MMD2: variants seen among roughly 807,000 people sequenced by gnomAD.
MMD2 encodes monocyte to macrophage differentiation associated 2.
A neutral mutation model predicts 33.5 loss-of-function variants in MMD2; 30 were observed. That is an observed-to-expected ratio of 0.90 (90% CI 0.67 to 1.22). The LOEUF is 1.22. Ranked by LOEUF, MMD2 falls within the 50% of genes most tolerant of loss-of-function variation. MMD2 has a pLI of 0.00. For missense variants in MMD2, 364 were observed against 325.4 expected, an observed-to-expected ratio of 1.12 and a Z score of -0.91; for synonymous variants, 129 against 123.0, an observed-to-expected ratio of 1.05 and a Z score of -0.32.
intron 2 of MMD2, among the ~76,000 whole-genome samples, chr7:4,922,466 A>G (rs1446047333): frequency 6.6e-6 from 1 of 152,140 alleles, no homozygotes; most frequent in Non-Finnish European, 1.5e-5. Context: ...GCAAGACTCC[A>G]TTTAAAAAAA....
chr7:4,902,636 TG>T (rs199717972), downstream of MMD2, among the ~76,000 whole-genome samples: 3,592 of 152,314 alleles, frequency 0.024, 52 homozygotes, highest in Non-Finnish European at 0.039. Context: ...ATACCACGCC[TG>T]TGACATTAGC....
At chr7:4,936,957 A>G (rs1011988209) in intron 1 of MMD2, among the ~76,000 whole-genome samples, 2 of 151,298 alleles carry the variant, frequency 1.3e-5, no homozygotes, top group Non-Finnish European at 2.9e-5. Flanking sequence ...GATGGTCTCA[A>G]ACTCCTGACC....
intron 1 of MMD2, among the ~76,000 whole-genome samples, chr7:4,938,597 C>G (rs1785816529): frequency 6.6e-6 from 1 of 152,086 alleles, no homozygotes; most frequent in Non-Finnish European, 1.5e-5. Flanking sequence ...CAACGGGGAT[C>G]AAGTTTCAGA....
chr7:4,946,130 T>C lies in MMD2; in HGVS notation c.47+12841A>G, dbSNP rs370405349. ...ACACGCGCACACGCACGCACACACC[T>C]GCACACGCACGCACACCCACACCCG... On this transcript the variant is annotated intron_variant, in intron 1 of 6. Transcript: ENST00000401401. This position sits in a 1 kb window ranked among gnomAD's most constrained non-coding sequence, Gnocchi z 5.0. Among the ~76,000 whole-genome samples, 24 of 134,416 alleles carry C rather than the reference T, an allele frequency of 1.8e-4. No individual in the cohort carries two copies. In the East Asian group the frequency reaches 2.2e-3, roughly 12 times the overall value. The allele number at this position is 134,416 out of a possible 152,430, so 88.2% of individuals were successfully genotyped here. A position where few individuals can be genotyped will look rare whatever the true frequency, so the allele number is the denominator to read the frequency against.
chr7:4,957,541 C>T (rs1156444950), intron 1 of MMD2, among the ~76,000 whole-genome samples: 5 of 151,704 alleles, frequency 3.3e-5, no homozygotes, highest in Admixed American at 1.3e-4. Context: ...CCCAGCTACT[C>T]GGAAGGCTGA....
At chr7:4,936,202 GA>G (rs1235476308) in intron 1 of MMD2, among the ~76,000 whole-genome samples, 12 of 142,106 alleles carry the variant, frequency 8.4e-5, no homozygotes, top group African/African-American at 1.6e-4. Context: ...AAAAAAAAAG[GA>G]AAAAAAAATG....
chr7:4,942,464 C>T (rs1785937630), intron 1 of MMD2, among the ~76,000 whole-genome samples: 1 of 150,510 alleles, frequency 6.6e-6, no homozygotes. Flanking sequence ...AATGGAGCCT[C>T]ACTATGTTGC....
rs537978247 is a variant in MMD2 at position 4,936,177 on chromosome 7, C to A, written c.48-10645G>T. ...TCCAGTCTGGGTGACGAGAATGAAA[C>A]TCTGTCTCAAAAAAAAAAAAAAAGG... On this transcript the variant is annotated intron_variant, in intron 1 of 6. Coordinates refer to ENST00000401401, the MANE Select transcript of MMD2 (RefSeq NM_198403.4). Among the ~76,000 whole-genome samples the A allele has an allele frequency of 3.1e-3, 441 of 140,652 alleles. 3 individuals are homozygous for A. The highest frequency in any genetic ancestry group is 0.011 in the African/African-American group (409 of 36,668). 92.3% of individuals were successfully genotyped at this position (140,652 alleles called of 152,430 possible).
chr7:4,920,358 G>T (rs564571567), intron 2 of MMD2, 27 bp from the exon 3 acceptor site: 7 of 1,596,318 alleles, frequency 4.4e-6, no homozygotes, highest in Non-Finnish European at 6.0e-6. Context: ...GGCAGGGACA[G>T]GTGCAGCAGC....
At position 4,957,644 on chromosome 7, in the gene MMD2, C is replaced by A. The variant is rs1786423568; in HGVS notation, c.47+1327G>T. ...AGCCTGGGCAACAAGAGCGAGACTC[C>A]ATCTCAGAAAAAAAAAAAAAGTAAG... On this transcript the variant is annotated intron_variant, in intron 1 of 6. Coordinates refer to ENST00000401401, the MANE Select transcript of MMD2 (RefSeq NM_198403.4). Among the ~76,000 whole-genome samples the A allele has an allele frequency of 8.0e-5, 11 of 137,154 alleles. No individual in the cohort carries two copies. The South Asian group carries it at 2.5e-3, about 31-fold the overall frequency. 90.0% of individuals were successfully genotyped at this position (137,154 alleles called of 152,430 possible). A position where few individuals can be genotyped will look rare whatever the true frequency, so the allele number is the denominator to read the frequency against.
chr7:4,919,731 CA>C (rs1228562428), intron 3 of MMD2, among the ~76,000 whole-genome samples: 1 of 151,980 alleles, frequency 6.6e-6, no homozygotes, highest in African/African-American at 2.4e-5. Context: ...ACCCACCCCC[CA>C]AAAAAATACA....
At chr7:4,914,449 T>G (rs1017579625) in intron 4 of MMD2, among the ~76,000 whole-genome samples, 7 of 152,232 alleles carry the variant, frequency 4.6e-5, no homozygotes, top group African/African-American at 1.7e-4. Context: ...TAATTTAGAC[T>G]TTTTGAAAAT....
At chr7:4,911,098 G>A (rs958524997) in intron 5 of MMD2, 47 bp downstream of exon 5, 1 of 1,463,522 alleles carries the variant, frequency 6.8e-7, no homozygotes. Flanking sequence ...GGAGGCCAGA[G>A]CATCTAAGGG....
intron 1 of MMD2, among the ~76,000 whole-genome samples, chr7:4,932,189 A>G (rs1203232181): frequency 6.6e-6 from 1 of 152,238 alleles, no homozygotes; most frequent in East Asian, 1.9e-4. Flanking sequence ...GAGTTCCACA[A>G]GACTCTCCTT....
At chr7:4,928,487 ACAGAGCCTTCATTGAG>A (rs1785490405) in intron 1 of MMD2, among the ~76,000 whole-genome samples, 1 of 149,024 alleles carries the variant, frequency 6.7e-6, no homozygotes, top group South Asian at 2.1e-4. Flanking sequence ...AAGTACAGTT[ACAGAGCCTTCATTGAG>A]CACCTTCCGT....
intron 1 of MMD2, among the ~76,000 whole-genome samples, chr7:4,939,485 G>C (rs1190679962): frequency 1.3e-5 from 2 of 152,092 alleles, no homozygotes; most frequent in African/African-American, 2.4e-5. Flanking sequence ...TGAGGCAACA[G>C]TGAGCTATGA....
chr7:4,893,071 C>G, the MMD2 span, among the ~76,000 whole-genome samples: 11 of 152,108 alleles, frequency 7.2e-5, no homozygotes, highest in African/African-American at 2.4e-4. Flanking sequence ...CCTATGCACT[C>G]GTCTTGCTGT....
chr7:4,939,164 T>C (rs57687824), intron 1 of MMD2, among the ~76,000 whole-genome samples: 99 of 151,466 alleles, frequency 6.5e-4, no homozygotes, highest in African/African-American at 2.3e-3. Flanking sequence ...ATCGTGCCAC[T>C]GCACTCCAGC....
chr7:4,904,665 C>G (rs569108237), downstream of MMD2, among the ~76,000 whole-genome samples: 1 of 152,326 alleles, frequency 6.6e-6, no homozygotes, highest in South Asian at 2.1e-4. Flanking sequence ...ATTTGTTATC[C>G]TGCTGCATCT....
Sources: gnomAD v4.1 joint callset for allele counts (sites outside exome capture counted in the v4.1 genomes callset) on GRCh38, gnomAD v4.1.1 for gene constraint, Gnocchi (gnomAD v3.1) non-coding constraint, MANE v1.5 for transcripts, NCBI Gene and HGNC (gene_info 2026-07-23, HGNC 2026-07-21) for gene names.